Variants in ROBO2 observed in about 807,000 individuals in gnomAD.
ROBO2 encodes the protein roundabout guidance receptor 2, also known as roundabout homolog 2.
Under a neutral mutation model 160.8 loss-of-function variants are expected in ROBO2, and 53 were observed. The observed-to-expected ratio is 0.33, with a 90% CI of 0.26 to 0.41. The LOEUF (loss-of-function observed/expected upper bound fraction) is 0.41, where lower values mean the gene tolerates loss of function less well. Among genes scored for constraint, ROBO2 ranks in the 10% least tolerant of loss-of-function variants. The pLI, the probability that ROBO2 is intolerant of heterozygous loss-of-function variation, is 1.00. For missense variants in ROBO2, 1,577 were observed against 1,722.4 expected (o/e 0.92, Z 1.49); for synonymous variants, 664 against 611.7 (o/e 1.09, Z -1.26).
At chr3:76,036,890 A>C (rs2067127625) in intron 2 of ROBO2, among the ~76,000 whole-genome samples, 1 of 152,000 alleles carries the variant, frequency 6.6e-6, no homozygotes. Context: ...AATTAAGATA[A>C]ACCTTTCCAT....
intron 2 of ROBO2, among the ~76,000 whole-genome samples, chr3:77,437,204 C>A (rs768508873): frequency 6.6e-6 from 1 of 151,924 alleles, no homozygotes; most frequent in East Asian, 1.9e-4. Flanking sequence ...ATTCACTTGG[C>A]CTGCCAGCAT....
chr3:76,157,378 T>C (rs1463541474), intron 2 of ROBO2, among the ~76,000 whole-genome samples: 1 of 151,910 alleles, frequency 6.6e-6, no homozygotes, highest in Non-Finnish European at 1.5e-5. Flanking sequence ...CTAAATGGAG[T>C]ATTGTGTGTC....
intron 2 of ROBO2, among the ~76,000 whole-genome samples, chr3:76,913,634 G>A (rs2076125455): frequency 6.6e-6 from 1 of 152,094 alleles, no homozygotes; most frequent in Non-Finnish European, 1.5e-5. Context: ...TTAATGCATT[G>A]TAGATGTTTG....
At chr3:77,147,803 C>T (rs941416973) in intron 2 of ROBO2, among the ~76,000 whole-genome samples, 10 of 152,156 alleles carry the variant, frequency 6.6e-5, no homozygotes, top group Non-Finnish European at 1.0e-4. Flanking sequence ...GTTTTCAATA[C>T]GTACTCTAAC....
At chr3:76,472,063 ATGTGTGTGTGTGTGTGTGTGTGTGTG>A (rs57259386) in intron 2 of ROBO2, among the ~76,000 whole-genome samples, 4 of 137,830 alleles carry the variant, frequency 2.9e-5, no homozygotes, top group Non-Finnish European at 6.4e-5. Context: ...GTCTGATAAA[ATGTGTGTGTGTGTGTGTGTGTGTGTG>A]TGTGTGTGTG....
intron 2 of ROBO2, among the ~76,000 whole-genome samples, chr3:76,167,400 C>T (rs17787889): frequency 0.068 from 10,326 of 152,258 alleles, 498 homozygotes; most frequent in Non-Finnish European, 0.1. Context: ...AGAAGAGGAA[C>T]CAGCCGTTCT....
At chr3:77,353,485 A>G (rs1235532557) in intron 2 of ROBO2, among the ~76,000 whole-genome samples, 4 of 152,182 alleles carry the variant, frequency 2.6e-5, no homozygotes, top group South Asian at 2.1e-4. Context: ...ATTAGTCAGT[A>G]TGCCTCAAAA....
intron 2 of ROBO2, among the ~76,000 whole-genome samples, chr3:76,606,268 G>T (rs931411174): frequency 2.6e-5 from 4 of 151,316 alleles, no homozygotes; most frequent in South Asian, 2.1e-4. Context: ...ATTGTAGATT[G>T]GTTTTCAAAA....
Position 76,103,881 on chromosome 3 carries a change from T to C in ROBO2, c.109+166279T>C, listed in dbSNP as rs574561454. 2.0e-5 allele frequency among the ~76,000 whole-genome samples: 3 copies of C among 152,314 alleles called. No homozygotes were observed. In the East Asian group the frequency reaches 5.8e-4, roughly 29 times the overall value. ...GCTGCTGCTGTTGACGCAGTGCTTA[T>C]GCCGAAGTTGATTTCCAGGACATAC... On this transcript the variant is annotated intron_variant, in intron 2 of 26. Transcript: ENST00000487694.
At chr3:76,193,202 A>G (rs1238293373) in intron 2 of ROBO2, among the ~76,000 whole-genome samples, 1 of 152,014 alleles carries the variant, frequency 6.6e-6, no homozygotes, top group East Asian at 1.9e-4. Flanking sequence ...TTTACTTGGG[A>G]TCACTCTTTC....
At chr3:76,998,628 T>C (rs1283859158) in intron 2 of ROBO2, among the ~76,000 whole-genome samples, 1 of 152,190 alleles carries the variant, frequency 6.6e-6, no homozygotes, top group Non-Finnish European at 1.5e-5. Context: ...AACAAAATGG[T>C]ATTTCCTTTT....
chr3:76,512,753 T>C lies in ROBO2; in HGVS notation c.109+575151T>C, dbSNP rs561937533. On this transcript the variant is annotated intron_variant, in intron 2 of 26. Coordinates refer to the ROBO2 transcript ENST00000487694. ...TATGTGTATAAATGGATATGAAATA[T>C]AAATAAATTTCATGTTTAGACTTGG... 7.2e-5 allele frequency among the ~76,000 whole-genome samples: 11 copies of C among 152,278 alleles called. No individual in the cohort carries two copies. In the East Asian group the frequency reaches 1.4e-3, roughly 19 times the overall value.
At chr3:77,621,267 C>T (rs573011038) in intron 22 of ROBO2, among the ~76,000 whole-genome samples, 3 of 152,082 alleles carry the variant, frequency 2.0e-5, no homozygotes, top group South Asian at 2.1e-4. Context: ...CTCTACAAAA[C>T]ATTTAAAAAC....
At chr3:77,288,945 G>A (rs951983821) in intron 2 of ROBO2, among the ~76,000 whole-genome samples, 4 of 152,170 alleles carry the variant, frequency 2.6e-5, no homozygotes, top group Non-Finnish European at 4.4e-5. Flanking sequence ...GGCACCATGT[G>A]AGACCTCTAT....
intron 2 of ROBO2, among the ~76,000 whole-genome samples, chr3:76,183,538 T>TATTC (rs1185402263): frequency 3.3e-5 from 5 of 152,216 alleles, no homozygotes; most frequent in South Asian, 2.1e-4. Flanking sequence ...TTCATTTATT[T>TATTC]ATTCATTCAT....
At chr3:76,182,369 A>G (rs1274769650) in intron 2 of ROBO2, among the ~76,000 whole-genome samples, 1 of 152,164 alleles carries the variant, frequency 6.6e-6, no homozygotes, top group Non-Finnish European at 1.5e-5. Context: ...CAAATAGCAG[A>G]AATAAAAGTG....
At chr3:77,399,837 C>T (rs2075631455) in intron 2 of ROBO2, among the ~76,000 whole-genome samples, 1 of 152,080 alleles carries the variant, frequency 6.6e-6, no homozygotes, top group Admixed American at 6.6e-5. Flanking sequence ...CTTTGGAAAA[C>T]TGAGGCCCCA....
intron 2 of ROBO2, among the ~76,000 whole-genome samples, chr3:76,199,190 C>T (rs1702402408): frequency 6.6e-6 from 1 of 152,094 alleles, no homozygotes. Flanking sequence ...TCAGATCATT[C>T]CTCAAATGTG....
chr3:76,868,876 A>G (rs1395273270), intron 2 of ROBO2, among the ~76,000 whole-genome samples: 1 of 152,182 alleles, frequency 6.6e-6, no homozygotes, highest in South Asian at 2.1e-4. Flanking sequence ...AGGAGCAGTT[A>G]TCTGTATCGG....
Sources: gnomAD v4.1 joint callset for allele counts (sites outside exome capture counted in the v4.1 genomes callset) on GRCh38, gnomAD v4.1.1 for gene constraint, MANE v1.5 for transcripts, NCBI Gene and HGNC (gene_info 2026-07-23, HGNC 2026-07-21) for gene names.